The following DNAJC13 variants were observed in gnomAD, a reference collection of about 807,000 sequenced individuals.
DNAJC13 encodes the protein DnaJ heat shock protein family (Hsp40) member C13, also known as dnaJ homolog subfamily C member 13.
Under a neutral mutation model 290.5 loss-of-function variants are expected in DNAJC13, and 75 were observed. The ratio of observed to expected loss-of-function variants is 0.26; its 90% CI spans 0.21 to 0.31. DNAJC13 has a LOEUF of 0.31. DNAJC13 is among the 10% of genes least tolerant of loss of function. The pLI, the probability that DNAJC13 is intolerant of heterozygous loss-of-function variation, is 1.00. For synonymous variants in DNAJC13, 862 were observed against 892.0 expected, an observed-to-expected ratio of 0.97 and a Z score of 0.60; for missense variants, 2,260 against 2,674.5, an observed-to-expected ratio of 0.85 and a Z score of 3.42.
intron 17 of DNAJC13, 89 bp downstream of exon 17, chr3:132,463,906 A>G: frequency 7.2e-7 from 1 of 1,391,632 alleles, no homozygotes; most frequent in Non-Finnish European, 9.7e-7. Flanking sequence ...TGTTTGTATT[A>G]CACAAATAAT....
chr3:132,511,289 A>T (rs1397767435), intron 44 of DNAJC13, 45 bp downstream of exon 44: 1 of 1,573,986 alleles, frequency 6.4e-7, no homozygotes, highest in South Asian at 1.2e-5. Context: ...ATAATACAGG[A>T]GCCCTAAAAA....
chr3:132,494,937 T>A (rs1382809353), intron 34 of DNAJC13, 151 bp from the exon 35 acceptor site: 1 of 453,614 alleles, frequency 2.2e-6, no homozygotes, highest in Non-Finnish European at 3.8e-6. Flanking sequence ...AAAAAAAAAA[T>A]CTTAATTCTT....
At chr3:132,485,639 G>A (rs1934843813) in intron 29 of DNAJC13, among the ~76,000 whole-genome samples, 1 of 152,204 alleles carries the variant, frequency 6.6e-6, no homozygotes, top group African/African-American at 2.4e-5. Context: ...AGGTACACCA[G>A]CAGGCCACAG....
At chr3:132,527,355 A>G (rs1936291497) in intron 53 of DNAJC13, among the ~76,000 whole-genome samples, 1 of 152,118 alleles carries the variant, frequency 6.6e-6, no homozygotes, top group South Asian at 2.1e-4. Context: ...CTGCATCTTT[A>G]TTATCTGGGC....
intron 1 of DNAJC13, among the ~76,000 whole-genome samples, chr3:132,428,282 A>G (rs1352472820): frequency 6.6e-6 from 1 of 152,216 alleles, no homozygotes. Context: ...TTCGTGGTCT[A>G]AAAGAGTTAA....
intron 1 of DNAJC13, among the ~76,000 whole-genome samples, chr3:132,428,274 C>T (rs547918964): frequency 6.6e-6 from 1 of 152,314 alleles, no homozygotes; most frequent in African/African-American, 2.4e-5. Context: ...AAAGTATCTT[C>T]GTGGTCTAAA....
Position 132,499,114 on chromosome 3 carries a change from TG to T in DNAJC13, c.4157-10del. 1 of 1,562,194 alleles carries T rather than the reference TG, an allele frequency of 6.4e-7. No individual in the cohort carries two copies. Among genetic ancestry groups the T allele is most frequent in the Non-Finnish European group, 8.7e-7 (1 of 1,148,322 alleles). On this transcript the variant is annotated splice_polypyrimidine_tract_variant and intron_variant, in intron 36 of 55. Coordinates refer to ENST00000260818, the MANE Select transcript of DNAJC13 (RefSeq NM_015268.4). ...GTTTTGTTTTTCTAACACTAACCAT[TG>T]GTTATTTCAGATTTACAGCCTTATA... is the stretch of plus-strand genomic sequence containing the variant.
chr3:132,510,309 T>C (rs1935734185), intron 43 of DNAJC13, among the ~76,000 whole-genome samples: 1 of 152,220 alleles, frequency 6.6e-6, no homozygotes, highest in Non-Finnish European at 1.5e-5. Context: ...TCTTTTGTGA[T>C]GATTCCTCAT....
chr3:132,420,493 G>T (rs1163414152), intron 1 of DNAJC13, among the ~76,000 whole-genome samples: 6 of 152,104 alleles, frequency 3.9e-5, no homozygotes, highest in African/African-American at 1.4e-4. Context: ...GCCCTCCTGA[G>T]ATTCAGGAAC....
chr3:132,487,793 G>A (rs1934930313), intron 29 of DNAJC13, among the ~76,000 whole-genome samples: 2 of 151,846 alleles, frequency 1.3e-5, no homozygotes, highest in South Asian at 4.2e-4. Context: ...ATTTCTAGAG[G>A]CCACATCTTT....
At chr3:132,454,513 T>G (rs1428261774) in intron 9 of DNAJC13, among the ~76,000 whole-genome samples, 1 of 151,626 alleles carries the variant, frequency 6.6e-6, no homozygotes, top group African/African-American at 2.4e-5. Context: ...TCTTTTTTTG[T>G]ATTTTTAGTA....
At chr3:132,427,060 T>G (rs72990484) in intron 1 of DNAJC13, among the ~76,000 whole-genome samples, 6,996 of 149,170 alleles carry the variant, frequency 0.047, 514 homozygotes, top group African/African-American at 0.16. Flanking sequence ...ATTATCTTGG[T>G]GTTTATATAT....
At chr3:132,418,217 G>A (rs1938854747) in intron 1 of DNAJC13, among the ~76,000 whole-genome samples, 1 of 152,096 alleles carries the variant, frequency 6.6e-6, no homozygotes, top group Admixed American at 6.5e-5. Flanking sequence ...GCTTTGTTTC[G>A]TTTTGTTAGG....
chr3:132,428,246 G>C (rs1939156030), intron 1 of DNAJC13, among the ~76,000 whole-genome samples: 1 of 152,284 alleles, frequency 6.6e-6, no homozygotes, highest in African/African-American at 2.4e-5. Context: ...CTTCATTAGC[G>C]AGTTACGTGC....
chr3:132,499,075 A>G, intron 36 of DNAJC13, 51 bp from the exon 37 acceptor site: 1 of 1,459,952 alleles, frequency 6.8e-7, no homozygotes, highest in South Asian at 1.3e-5. Context: ...TGAAACCACA[A>G]CATAATCAAT....
intron 1 of DNAJC13, 143 bp from the exon 2 acceptor site, chr3:132,434,395 A>C (rs945635025): frequency 2.0e-6 from 1 of 502,916 alleles, no homozygotes; most frequent in Non-Finnish European, 3.4e-6. Flanking sequence ...AAAAAAAAAA[A>C]AAACAAAACC....
At chr3:132,491,573 A>G (rs1935058823) in intron 32 of DNAJC13, among the ~76,000 whole-genome samples, 1 of 152,140 alleles carries the variant, frequency 6.6e-6, no homozygotes, top group African/African-American at 2.4e-5. Flanking sequence ...TTGGGGGGGA[A>G]TGCCATAGGA....
chr3:132,444,483 T>A (rs1933179714), intron 2 of DNAJC13, among the ~76,000 whole-genome samples: 1 of 152,200 alleles, frequency 6.6e-6, no homozygotes, highest in Non-Finnish European at 1.5e-5. Flanking sequence ...AAGGATATTT[T>A]CTTAGCCAGT....
intron 20 of DNAJC13, among the ~76,000 whole-genome samples, chr3:132,471,866 T>A (rs1426080998): frequency 6.8e-6 from 1 of 146,498 alleles, no homozygotes; most frequent in Non-Finnish European, 1.5e-5. Context: ...GAGGCTGCAA[T>A]CTCGGCACTT....
Sources: gnomAD v4.1 joint callset for allele counts (sites outside exome capture counted in the v4.1 genomes callset) on GRCh38, gnomAD v4.1.1 for gene constraint, MANE v1.5 for transcripts, NCBI Gene and HGNC (gene_info 2026-07-23, HGNC 2026-07-21) for gene names.